SPDYE10: variants seen among roughly 807,000 people sequenced by gnomAD.
SPDYE10 encodes speedy protein E10.
chr7:73,147,463 A>T, the SPDYE10 span, among the ~76,000 whole-genome samples: 6 of 140,296 alleles, frequency 4.3e-5, no homozygotes, highest in African/African-American at 1.7e-4. Context: ...GAGCCACTGC[A>T]CCCAGCTGGG....
chr7:73,114,593 G>T, the SPDYE10 span, among the ~76,000 whole-genome samples: 1 of 135,850 alleles, frequency 7.4e-6, no homozygotes, highest in East Asian at 2.4e-4. Context: ...CTAGAGTACA[G>T]TGGCATGATC....
At chr7:73,123,506 G>T in the SPDYE10 span, among the ~76,000 whole-genome samples, 2 of 151,448 alleles carry the variant, frequency 1.3e-5, no homozygotes, top group Non-Finnish European at 2.9e-5. Context: ...TGCTCTTGTC[G>T]CCCAAGCTGG....
chr7:73,145,365 G>A, the SPDYE10 span, among the ~76,000 whole-genome samples: 30 of 139,240 alleles, frequency 2.2e-4, no homozygotes, highest in African/African-American at 7.2e-4. Flanking sequence ...CTCCTGCCTC[G>A]GCCTCCCAAG....
the SPDYE10 span, among the ~76,000 whole-genome samples, chr7:73,128,263 A>C: frequency 1.8e-4 from 26 of 145,362 alleles, no homozygotes; most frequent in African/African-American, 6.5e-4. Flanking sequence ...CCAGTTATAT[A>C]CAATGTTTAT....
At chr7:73,134,876 T>C in the SPDYE10 span, among the ~76,000 whole-genome samples, 1 of 152,160 alleles carries the variant, frequency 6.6e-6, no homozygotes, top group Admixed American at 6.5e-5. Context: ...CAGCCATGGA[T>C]TAAGACCAAA....
chr7:73,113,852 C>G, the SPDYE10 span, among the ~76,000 whole-genome samples: 1 of 151,886 alleles, frequency 6.6e-6, no homozygotes, highest in African/African-American at 2.4e-5. Context: ...TGGCTAACAC[C>G]CCATCTCTGC....
the SPDYE10 span, among the ~76,000 whole-genome samples, chr7:73,143,005 A>T: frequency 2.7e-5 from 4 of 145,688 alleles, no homozygotes; most frequent in Non-Finnish European, 6.1e-5. Flanking sequence ...GAAGGAAGGA[A>T]GGAAGGAAGG....
At chr7:73,130,404 G>C in the SPDYE10 span, among the ~76,000 whole-genome samples, 1 of 151,890 alleles carries the variant, frequency 6.6e-6, no homozygotes, top group Non-Finnish European at 1.5e-5. Flanking sequence ...GGGGAATTTA[G>C]ATAGATAAAA....
At chr7:73,134,569 C>A in the SPDYE10 span, among the ~76,000 whole-genome samples, 1 of 64,554 alleles carries the variant, frequency 1.5e-5, no homozygotes, top group African/African-American at 6.1e-5. Flanking sequence ...AAGAAAGAAA[C>A]CGTGCAGGCA....
At chr7:73,141,886 CAA>C in the SPDYE10 span, among the ~76,000 whole-genome samples, 1 of 16,164 alleles carries the variant, frequency 6.2e-5, no homozygotes, top group Non-Finnish European at 1.3e-4. Flanking sequence ...AACTCCGTCT[CAA>C]AAAAAAAAAA....
chr7:73,141,644 TG>T, the SPDYE10 span, among the ~76,000 whole-genome samples: 1 of 100,190 alleles, frequency 1.0e-5, no homozygotes, highest in East Asian at 2.3e-4. Flanking sequence ...CCCATCACTT[TG>T]GGAGGCTGAG....
the SPDYE10 span, among the ~76,000 whole-genome samples, chr7:73,114,945 C>T: frequency 7.0e-6 from 1 of 143,616 alleles, no homozygotes; most frequent in South Asian, 2.2e-4. Flanking sequence ...CTCGCTCTGT[C>T]ATCCAGGCTG....
At chr7:73,114,489 T>C in the SPDYE10 span, among the ~76,000 whole-genome samples, 1 of 150,798 alleles carries the variant, frequency 6.6e-6, no homozygotes, top group Admixed American at 6.8e-5. Context: ...ACTGATCTTT[T>C]TGCAAGTGTA....
At chr7:73,127,936 AC>A in the SPDYE10 span, among the ~76,000 whole-genome samples, 1 of 136,030 alleles carries the variant, frequency 7.4e-6, no homozygotes, top group African/African-American at 2.9e-5. Context: ...TCTTATCCCA[AC>A]CATTCCACAT....
At chr7:73,113,840 C>T in the SPDYE10 span, among the ~76,000 whole-genome samples, 1 of 151,908 alleles carries the variant, frequency 6.6e-6, no homozygotes, top group Non-Finnish European at 1.5e-5. Context: ...TCGAGACCAT[C>T]CTGGCTAACA....
the SPDYE10 span, among the ~76,000 whole-genome samples, chr7:73,123,788 C>T: frequency 0.043 from 4,179 of 96,818 alleles, 9 homozygotes; most frequent in African/African-American, 0.067. Context: ...TCTCTCTCTC[C>T]CTCTCTCTCT....
At chr7:73,118,150 C>CAAAA in the SPDYE10 span, among the ~76,000 whole-genome samples, 1 of 6,208 alleles carries the variant, frequency 1.6e-4, no homozygotes, top group Non-Finnish European at 2.5e-4. Context: ...GACTCTCTGT[C>CAAAA]AAAAAAAAAA....
At chr7:73,113,467 A>C in the SPDYE10 span, among the ~76,000 whole-genome samples, 2 of 124,058 alleles carry the variant, frequency 1.6e-5, no homozygotes, top group Middle Eastern at 3.6e-3. Flanking sequence ...TGAGCCTAGG[A>C]GTTAGGGGCT....
chr7:73,114,944 T>C, the SPDYE10 span, among the ~76,000 whole-genome samples: 3 of 150,510 alleles, frequency 2.0e-5, no homozygotes, highest in Admixed American at 1.3e-4. Flanking sequence ...TCTCGCTCTG[T>C]CATCCAGGCT....
Sources: allele counts gnomAD v4.1 joint callset (sites outside exome capture counted in the v4.1 genomes callset), GRCh38; gene constraint gnomAD v4.1.1; transcripts MANE v1.5; gene names NCBI Gene and HGNC (gene_info 2026-07-23, HGNC 2026-07-21).